Variants in CEMIP2 observed in about 807,000 individuals in gnomAD.
CEMIP2 encodes cell surface hyaluronidase CEMIP2.
A neutral mutation model predicts 146.9 loss-of-function variants in CEMIP2; 79 were observed. The ratio of observed to expected loss-of-function variants is 0.54; its 90% CI spans 0.45 to 0.65. The LOEUF (loss-of-function observed/expected upper bound fraction) is 0.65, where lower values mean the gene tolerates loss of function less well. CEMIP2 is among the 30% of genes least tolerant of loss of function. The probability of loss-of-function intolerance (pLI) is 0.00; values close to 1 mark genes in which losing one functional copy is unlikely to be tolerated. For synonymous variants in CEMIP2, 601 were observed against 606.3 expected, an observed-to-expected ratio of 0.99 and a Z score of 0.13; for missense variants, 1,596 against 1,696.2, an observed-to-expected ratio of 0.94 and a Z score of 1.04.
chr9:71,683,609 C>A lies in CEMIP2; in HGVS notation c.*1588G>T, dbSNP rs1366962669. 1.9e-5 allele frequency: 2 copies of A among 106,752 alleles called. No homozygotes were observed. The highest frequency in any genetic ancestry group is 3.8e-5 in the African/African-American group (1 of 26,536). 6.6% of individuals were successfully genotyped at this position (106,752 alleles called of 1,614,324 possible). A position where few individuals can be genotyped will look rare whatever the true frequency, so the allele number is the denominator to read the frequency against. ...TATATTTAATAGGTAAGATCTCATTCATCAATATACAAAAAAAAAAAACAA... is the reference window on the plus strand; with the variant it reads ...TATATTTAATAGGTAAGATCTCATTAATCAATATACAAAAAAAAAAAACAA... On this transcript the variant is annotated 3_prime_UTR_variant, in exon 24 of 24. Coordinates refer to ENST00000377044, the MANE Select transcript of CEMIP2 (RefSeq NM_013390.3).
intron 17 of CEMIP2, 56 bp from the exon 18 acceptor site, chr9:71,704,859 A>C: frequency 6.5e-7 from 1 of 1,536,608 alleles, no homozygotes; most frequent in Non-Finnish European, 9.0e-7. Context: ...AACAGCTAAA[A>C]AGACATTTTC....
chr9:71,741,631 G>GTTTTTTTTTTTTTTT (rs11334265), intron 4 of CEMIP2, among the ~76,000 whole-genome samples: 4 of 73,126 alleles, frequency 5.5e-5, no homozygotes, highest in Non-Finnish European at 7.2e-5. Context: ...TTCTTTTCTG[G>GTTTTTTTTTTTTTTT]TTTTTTTTTT....
At chr9:71,722,698 T>C (rs1490542477) in intron 11 of CEMIP2, among the ~76,000 whole-genome samples, 183 bp from the exon 12 acceptor site, 1 of 151,922 alleles carries the variant, frequency 6.6e-6, no homozygotes, top group African/African-American at 2.4e-5. Flanking sequence ...TTTCTACTCA[T>C]TTAACTCATT....
At chr9:71,748,967 T>C (rs112747808) in intron 2 of CEMIP2, among the ~76,000 whole-genome samples, 2 of 152,212 alleles carry the variant, frequency 1.3e-5, no homozygotes, top group Admixed American at 6.5e-5. Flanking sequence ...TAGACAAATA[T>C]GGTACCCAGT....
chr9:71,726,563 A>T (rs189905476), intron 10 of CEMIP2, among the ~76,000 whole-genome samples: 3 of 152,354 alleles, frequency 2.0e-5, no homozygotes, highest in Non-Finnish European at 4.4e-5. Flanking sequence ...CAAATAATTC[A>T]TAGTCTAATA....
chr9:71,734,656 T>C, intron 6 of CEMIP2, 150 bp downstream of exon 6: 1 of 549,936 alleles, frequency 1.8e-6, no homozygotes. Flanking sequence ...ATCTAGTGTT[T>C]GATGCACTCC....
chr9:71,748,856 A>G (rs1589163367), intron 2 of CEMIP2, among the ~76,000 whole-genome samples: 1 of 152,240 alleles, frequency 6.6e-6, no homozygotes, highest in South Asian at 2.1e-4. Context: ...AGCACCCAAG[A>G]AAACTAAATA....
In CEMIP2 at chr9:71,694,320, G is replaced by A. The variant is rs912796388; in HGVS notation, c.3696+189C>T. On this transcript the variant is annotated intron_variant, in intron 21 of 23. Coordinates refer to ENST00000377044, the MANE Select transcript of CEMIP2 (RefSeq NM_013390.3). ...TTTTTGTATTTTTAGTAGAGACAGC[G>A]TTTCACCATGTTAGCCAGGATGGTC... Among the ~76,000 whole-genome samples, 17 of 151,946 alleles carry A rather than the reference G, an allele frequency of 1.1e-4. No individual in the cohort carries two copies. In the South Asian group the frequency reaches 1.2e-3, roughly 11 times the overall value.
intron 1 of CEMIP2, among the ~76,000 whole-genome samples, chr9:71,765,557 C>T (rs945585394): frequency 7.2e-5 from 11 of 152,198 alleles, no homozygotes; most frequent in African/African-American, 2.7e-4. Context: ...TAAGATAGTA[C>T]TTCTGACACT....
intron 4 of CEMIP2, among the ~76,000 whole-genome samples, chr9:71,742,459 A>T (rs1265140344): frequency 6.6e-6 from 1 of 152,188 alleles, no homozygotes; most frequent in Non-Finnish European, 1.5e-5. Flanking sequence ...GGAAAATTTC[A>T]GCGCACCAGA....
chr9:71,711,395 T>TAAAAA (rs34605983), intron 16 of CEMIP2, among the ~76,000 whole-genome samples: 1 of 146,192 alleles, frequency 6.8e-6, no homozygotes, highest in Admixed American at 6.8e-5. Context: ...CTTTCTCTAT[T>TAAAAA]AAAAAAAAAA....
chr9:71,723,791 G>A (rs373270606), intron 11 of CEMIP2, among the ~76,000 whole-genome samples: 1 of 152,130 alleles, frequency 6.6e-6, no homozygotes, highest in Non-Finnish European at 1.5e-5. Context: ...GCACACATGT[G>A]GGTGTGTGCC....
chr9:71,731,014 T>A, intron 7 of CEMIP2, 100 bp from the exon 8 acceptor site: 2 of 909,106 alleles, frequency 2.2e-6, no homozygotes, highest in Non-Finnish European at 3.4e-6. Context: ...GAATACTTAT[T>A]AAAACATTCG....
chr9:71,717,641 T>G (rs954468029), intron 13 of CEMIP2, among the ~76,000 whole-genome samples: 1 of 152,164 alleles, frequency 6.6e-6, no homozygotes, highest in Non-Finnish European at 1.5e-5. Flanking sequence ...ATCCAGGTAG[T>G]TTTATTTAGC....
intron 10 of CEMIP2, among the ~76,000 whole-genome samples, chr9:71,729,226 T>C (rs1564013372): frequency 6.6e-6 from 1 of 152,162 alleles, no homozygotes; most frequent in Non-Finnish European, 1.5e-5. Context: ...AGAAAGGTTG[T>C]ACTTAATACA....
At chr9:71,725,048 T>C (rs560372786) in intron 11 of CEMIP2, among the ~76,000 whole-genome samples, 2 of 142,156 alleles carry the variant, frequency 1.4e-5, no homozygotes, top group South Asian at 4.5e-4. Context: ...GCAATAGGTA[T>C]GTATAAATGG....
At chr9:71,769,316 G>A (rs372907114), upstream of CEMIP2, among the ~76,000 whole-genome samples, 21 of 152,270 alleles carry the variant, frequency 1.4e-4, 1 homozygote, top group African/African-American at 5.1e-4. Context: ...CCCATCACCC[G>A]TAAAGAGATT....
At chr9:71,760,395 C>G (rs1335531153) in intron 1 of CEMIP2, among the ~76,000 whole-genome samples, 2 of 152,064 alleles carry the variant, frequency 1.3e-5, no homozygotes, top group Non-Finnish European at 2.9e-5. Context: ...AAAAGTGAAC[C>G]AAGTGAAAAC....
In CEMIP2 at chr9:71,745,085, A is replaced by T; in HGVS notation, c.967T>A (p.Leu323Ile). 1.2e-6 allele frequency: 2 copies of T among 1,614,122 alleles called. No individual in the cohort carries two copies. The highest frequency in any genetic ancestry group is 8.5e-7 in the Non-Finnish European group (1 of 1,180,002). ...AVGDSAAKSLLQGTIQMIQER... is the reference protein window; with the variant it reads ...AVGDSAAKSLIQGTIQMIQER... ...TGGATCATCTGGATGGTTCCTTGTAAGAGACTTTTAGCGGCTGAATCCCCG... is the reference window on the plus strand; with the variant it reads ...TGGATCATCTGGATGGTTCCTTGTATGAGACTTTTAGCGGCTGAATCCCCG... Residue 323 changes from leucine (L) to isoleucine (I), a missense_variant, in exon 4 of 24, where the codon TTA (leucine) becomes ATA (isoleucine). Leu to Ile is a conservative substitution (Grantham distance 5). Coordinates refer to ENST00000377044, the MANE Select transcript of CEMIP2 (RefSeq NM_013390.3).
Sources: allele counts gnomAD v4.1 joint callset (sites outside exome capture counted in the v4.1 genomes callset), GRCh38; gene constraint gnomAD v4.1.1; transcripts MANE v1.5; gene names NCBI Gene and HGNC (gene_info 2026-07-23, HGNC 2026-07-21).